FXYD6: variants seen among roughly 807,000 people sequenced by gnomAD.
The protein encoded by FXYD6 is FXYD domain containing ion transport regulator 6.
A neutral mutation model predicts 16.7 loss-of-function variants in FXYD6; 7 were observed. That is an observed-to-expected ratio of 0.42 (90% CI 0.24 to 0.79). FXYD6 has a LOEUF of 0.79. FXYD6 is among the 30% of genes least tolerant of loss of function. The pLI is 0.28. For synonymous variants in FXYD6, 49 were observed against 43.0 expected, an observed-to-expected ratio of 1.14 and a Z score of -0.54; for missense variants, 111 against 116.2, an observed-to-expected ratio of 0.95 and a Z score of 0.21.
intron 7 of FXYD6, 122 bp from the exon 8 acceptor site, chr11:117,838,399 C>G (rs972899839): frequency 4.4e-6 from 3 of 680,560 alleles, no homozygotes; most frequent in South Asian, 1.5e-5. Flanking sequence ...TCGTCTGAGA[C>G]GCAGAGAAAG....
In FXYD6 at chr11:117,837,929, T is replaced by C; in HGVS notation, c.*370A>G. On this transcript the variant is annotated 3_prime_UTR_variant, in exon 8 of 8. Transcript: ENST00000526014. The surrounding 1 kb of genome is among the most constrained non-coding windows in gnomAD (Gnocchi z 4.4). ...GGCCACGGGGGCAGGGAGGAGCAGA[T>C]GGCCATGTGGCTCAGCCCCTGCCTG... is the stretch of plus-strand genomic sequence containing the variant. 1 of 456,860 alleles carries C rather than the reference T, an allele frequency of 2.2e-6. No individual in the cohort carries two copies. Among genetic ancestry groups the C allele is most frequent in the Non-Finnish European group, 4.0e-6 (1 of 251,276 alleles). The allele number at this position is 456,860 out of a possible 1,614,324, so 28.3% of individuals were successfully genotyped here.
chr11:117,853,147 A>G (rs2134163559), intron 1 of FXYD6, among the ~76,000 whole-genome samples: 1 of 152,338 alleles, frequency 6.6e-6, no homozygotes, highest in African/African-American at 2.4e-5. Context: ...CCTTTCAATC[A>G]CAGTGACTTG....
At chr11:117,859,607 T>G (rs2056856870) in intron 1 of FXYD6, among the ~76,000 whole-genome samples, 1 of 152,196 alleles carries the variant, frequency 6.6e-6, no homozygotes, top group Non-Finnish European at 1.5e-5. Flanking sequence ...ATGCTAACAC[T>G]GATAATGTGC....
In FXYD6 at chr11:117,867,307, C is replaced by T. The variant is rs571257020; in HGVS notation, c.-6+9285G>A. 1.2e-4 allele frequency among the ~76,000 whole-genome samples: 18 copies of T among 152,318 alleles called. 1 individual carries two copies. The highest frequency in any genetic ancestry group is 8.5e-4 in the Admixed American group (13 of 15,296). On this transcript the variant is annotated intron_variant, in intron 1 of 7. Transcript: ENST00000526014. ...CTGCCTCCCTGCCTGACGGAGGTTA[C>T]GGCCTCACCAAGTTTCCGGGGCTTC... is the stretch of plus-strand genomic sequence containing the variant.
At chr11:117,855,966 T>G (rs1055857413) in intron 1 of FXYD6, among the ~76,000 whole-genome samples, 7 of 152,190 alleles carry the variant, frequency 4.6e-5, no homozygotes, top group Non-Finnish European at 1.0e-4. Context: ...TAGGGTGTAT[T>G]ATGAGAACGA....
At chr11:117,865,868 A>C (rs1002308950) in intron 1 of FXYD6, among the ~76,000 whole-genome samples, 1 of 152,046 alleles carries the variant, frequency 6.6e-6, no homozygotes, top group African/African-American at 2.4e-5. Flanking sequence ...TGGAGGTTGC[A>C]GTGAGATCGT....
At chr11:117,849,235 C>T (rs1483011471) in intron 1 of FXYD6, among the ~76,000 whole-genome samples, 2 of 152,176 alleles carry the variant, frequency 1.3e-5, no homozygotes, top group Non-Finnish European at 2.9e-5. Context: ...TTTAAACCTC[C>T]TTACAATTTC....
intron 1 of FXYD6, among the ~76,000 whole-genome samples, chr11:117,864,727 C>T: frequency 6.6e-6 from 1 of 152,120 alleles, no homozygotes; most frequent in East Asian, 1.9e-4. Context: ...GCTGGGATTA[C>T]AGGCACCTGC....
intron 1 of FXYD6, among the ~76,000 whole-genome samples, chr11:117,856,129 G>A (rs760813151): frequency 1.3e-5 from 2 of 152,084 alleles, no homozygotes; most frequent in South Asian, 4.2e-4. Flanking sequence ...GCGGGAGAAA[G>A]CAATCAGAAG....
intron 1 of FXYD6, among the ~76,000 whole-genome samples, chr11:117,859,553 G>A (rs528982274): frequency 2.0e-5 from 3 of 152,332 alleles, no homozygotes; most frequent in Admixed American, 6.5e-5. Flanking sequence ...ACTATTCTTA[G>A]TGCTTTAAAT....
rs2056240222 is a variant in FXYD6, at chr11:117,838,051, A to G, written c.*248T>C. The G allele has an allele frequency of 1.5e-6, 1 of 650,962 alleles. No homozygotes were observed. Among genetic ancestry groups the G allele is most frequent in the East Asian group, 2.7e-5 (1 of 36,610 alleles). The allele number at this position is 650,962 out of a possible 1,614,324, so 40.3% of individuals were successfully genotyped here. A position where few individuals can be genotyped will look rare whatever the true frequency, so the allele number is the denominator to read the frequency against. ...AGCAAACACACACAGTCACACACAC[A>G]CACACACACACACACATCACGGGAG... On this transcript the variant is annotated 3_prime_UTR_variant, in exon 8 of 8. Transcript: ENST00000526014.
chr11:117,858,834 G>A (rs2056836700), intron 1 of FXYD6, among the ~76,000 whole-genome samples: 1 of 149,326 alleles, frequency 6.7e-6, no homozygotes, highest in African/African-American at 2.5e-5. Flanking sequence ...AGTGTGCAGT[G>A]GTGCGATCTT....
At chr11:117,875,852 C>G (rs138450412) in intron 1 of FXYD6, among the ~76,000 whole-genome samples, 187 of 152,272 alleles carry the variant, frequency 1.2e-3, no homozygotes, top group African/African-American at 4.5e-3. Context: ...GAGCCAGAAG[C>G]CAGCGCTGGG....
In FXYD6 at chr11:117,858,652, TTTCTTTCTTTC is replaced by T. The variant is rs2056802842; in HGVS notation, c.-5-15882_-5-15872del. 7.1e-5 allele frequency among the ~76,000 whole-genome samples: 5 copies of T among 69,990 alleles called. No individual in the cohort carries two copies. In the South Asian group the frequency reaches 3.3e-3, roughly 46 times the overall value. 45.9% of individuals were successfully genotyped at this position (69,990 alleles called of 152,430 possible). ...TCTTTTTTCTTTCTTTCTTTCTTTC[TTTCTTTCTTTC>T]TTTCTTTCTTTCTTTCTTTCTTTCT... On this transcript the variant is annotated intron_variant, in intron 1 of 7. Coordinates refer to ENST00000526014, the MANE Select transcript of FXYD6 (RefSeq NM_022003.4).
chr11:117,845,937 A>G (rs940923609), intron 1 of FXYD6, among the ~76,000 whole-genome samples: 2 of 152,234 alleles, frequency 1.3e-5, no homozygotes, highest in African/African-American at 4.8e-5. Flanking sequence ...TTGAACAGTT[A>G]TGTTCTAGAC....
At chr11:117,840,709 C>G (rs542673116) in intron 5 of FXYD6, among the ~76,000 whole-genome samples, 5 of 152,154 alleles carry the variant, frequency 3.3e-5, no homozygotes, top group African/African-American at 1.2e-4. Flanking sequence ...GGTATGACCT[C>G]TATGTGGGAG....
At chr11:117,858,701 TTC>T (rs201736623) in intron 1 of FXYD6, among the ~76,000 whole-genome samples, 4,676 of 58,356 alleles carry the variant, frequency 0.08, 395 homozygotes, top group Admixed American at 0.14. Context: ...CTTTCTTTCT[TTC>T]TCTCTCTCTC....
At chr11:117,849,084 TA>T (rs546882027) in intron 1 of FXYD6, among the ~76,000 whole-genome samples, 127 of 152,348 alleles carry the variant, frequency 8.3e-4, no homozygotes, top group African/African-American at 3.0e-3. Context: ...TATAAGCATT[TA>T]AGACTGCAAT....
rs1195846947 is a variant in FXYD6, at chr11:117,841,072, G to A, written c.209+76C>T. ...CAAGAATCCAAGAGAATGCCCATTT[G>A]GGGGTCACACACCAGGGGTCCCTTC... On this transcript the variant is annotated intron_variant, in intron 5 of 7. Transcript: ENST00000526014. 5 of 1,575,530 alleles carry A rather than the reference G, an allele frequency of 3.2e-6. No individual in the cohort carries two copies. In the African/African-American group the frequency reaches 5.4e-5, roughly 17 times the overall value.
Sources: gnomAD v4.1 joint callset for allele counts (sites outside exome capture counted in the v4.1 genomes callset) on GRCh38, gnomAD v4.1.1 for gene constraint, Gnocchi (gnomAD v3.1) non-coding constraint, MANE v1.5 for transcripts, NCBI Gene and HGNC (gene_info 2026-07-23, HGNC 2026-07-21) for gene names.